Variants in SULT1E1 observed in about 807,000 individuals in gnomAD.
SULT1E1 encodes the protein sulfotransferase 1E1.
Under a neutral mutation model 33.6 loss-of-function variants are expected in SULT1E1, and 36 were observed. The observed-to-expected ratio is 1.07, with a 90% CI of 0.82 to 1.41. The LOEUF is 1.41. Ranked by LOEUF, SULT1E1 falls within the 40% of genes most tolerant of loss-of-function variation. The pLI is 0.00. For missense variants in SULT1E1, 371 were observed against 345.7 expected (o/e 1.07, Z -0.58); for synonymous variants, 121 against 111.7 (o/e 1.08, Z -0.53).
At chr4:69,836,651 A>G (rs942675292), downstream of SULT1E1, among the ~76,000 whole-genome samples, 2 of 152,294 alleles carry the variant, frequency 1.3e-5, no homozygotes, top group East Asian at 3.9e-4. Flanking sequence ...TTCATAATAA[A>G]TCTTCTTGCT....
At chr4:69,854,116 A>AC in intron 4 of SULT1E1, 101 bp downstream of exon 4, 1 of 729,670 alleles carries the variant, frequency 1.4e-6, no homozygotes, top group Non-Finnish European at 2.2e-6. Flanking sequence ...GTGTCTATAG[A>AC]TTCAATGAAA....
Position 69,841,857 on chromosome 4 carries a change from AGTT to A in SULT1E1, c.*134_*136del. On this transcript the variant is annotated 3_prime_UTR_variant, in exon 8 of 8. Coordinates refer to ENST00000226444, the MANE Select transcript of SULT1E1 (RefSeq NM_005420.3). Reference sequence around the variant, plus strand: ...CTCTGTCTCAAAAAAAAAAAAAAAAAGTTAAACAAAAATTTAAAAAGAAAATGT... The same window carrying A: ...CTCTGTCTCAAAAAAAAAAAAAAAAAAAACAAAAATTTAAAAAGAAAATGT... The A allele has an allele frequency of 3.7e-6, 2 of 539,596 alleles. No homozygotes were observed. Among genetic ancestry groups the A allele is most frequent in the Non-Finnish European group, 6.3e-6 (2 of 318,852 alleles). The allele number at this position is 539,596 out of a possible 1,614,324, so 33.4% of individuals were successfully genotyped here.
intron 5 of SULT1E1, chr4:69,849,101 C>G (rs958412002): frequency 5.7e-6 from 1 of 174,228 alleles, no homozygotes; most frequent in South Asian, 1.3e-4. Flanking sequence ...TGTAATAATA[C>G]GGTGTAAAAC....
intron 3 of SULT1E1, among the ~76,000 whole-genome samples, chr4:69,855,025 C>A (rs1037592018): frequency 6.6e-6 from 1 of 151,916 alleles, no homozygotes; most frequent in Non-Finnish European, 1.5e-5. Context: ...AATATCATCA[C>A]ATTTAGCCCA....
At chr4:69,839,831 C>G (rs1720849372), downstream of SULT1E1, among the ~76,000 whole-genome samples, 1 of 152,208 alleles carries the variant, frequency 6.6e-6, no homozygotes, top group African/African-American at 2.4e-5. Context: ...AGCCGTATTA[C>G]TTCTCCAAAG....
At chr4:69,843,880 G>A (rs1720926898) in intron 7 of SULT1E1, among the ~76,000 whole-genome samples, 1 of 152,312 alleles carries the variant, frequency 6.6e-6, no homozygotes, top group South Asian at 2.1e-4. Context: ...GAGGCACATA[G>A]GCTTGGTAAA....
intron 6 of SULT1E1, among the ~76,000 whole-genome samples, chr4:69,846,665 C>T (rs965409211): frequency 2.0e-5 from 3 of 151,618 alleles, no homozygotes; most frequent in African/African-American, 7.3e-5. Flanking sequence ...AAACTATGTG[C>T]ATGTTTGCCT....
chr4:69,843,481 A>G (rs781247073), intron 7 of SULT1E1, among the ~76,000 whole-genome samples: 13 of 152,096 alleles, frequency 8.5e-5, no homozygotes, highest in Non-Finnish European at 1.8e-4. Flanking sequence ...CCTGACTCTC[A>G]CTGACAGTAT....
chr4:69,826,776 G>C, the SULT1E1 span, among the ~76,000 whole-genome samples: 9 of 152,064 alleles, frequency 5.9e-5, no homozygotes, highest in Admixed American at 5.2e-4. Flanking sequence ...TTCTGTAAGA[G>C]GGAAGGCAAA....
chr4:69,828,667 A>G, the SULT1E1 span, among the ~76,000 whole-genome samples: 1 of 152,014 alleles, frequency 6.6e-6, no homozygotes, highest in African/African-American at 2.4e-5. Flanking sequence ...CACACTAGGA[A>G]CTCTCTTATT....
rs756987917 is a variant in SULT1E1 at position 69,857,599 on chromosome 4, C to T, written c.46G>A (p.Gly16Arg). The T allele has an allele frequency of 6.2e-7, 1 of 1,611,826 alleles. No individual in the cohort carries two copies. Among genetic ancestry groups the T allele is most frequent in the Admixed American group, 1.7e-5 (1 of 59,408 alleles). Reference sequence around the variant, plus strand: ...ACAAAATCTTTATACATTAGAATCCCATGGACTTCTTCAAACTTTTCATAA... The same window carrying T: ...ACAAAATCTTTATACATTAGAATCCTATGGACTTCTTCAAACTTTTCATAA... ...DYYEKFEEVH[G>R]ILMYKDFVKY... Residue 16 changes from glycine (G) to arginine (R), a missense_variant, in exon 2 of 8, where the codon GGG becomes AGG. Coordinates refer to ENST00000226444, the MANE Select transcript of SULT1E1 (RefSeq NM_005420.3).
In SULT1E1 at chr4:69,847,738, C is replaced by G. The variant is rs1721008739; in HGVS notation, c.551G>C (p.Ser184Thr). The G allele has an allele frequency of 1.9e-6, 3 of 1,609,562 alleles. No individual in the cohort carries two copies. In the South Asian group the frequency reaches 3.3e-5, roughly 18 times the overall value. ...GTAGAAAAGAAATAGTACACGTGGACTCTTTCCCTTTTCCCACCAAGATTT... is the reference window on the plus strand; with the variant it reads ...GTAGAAAAGAAATAGTACACGTGGAGTCTTTCCCTTTTCCCACCAAGATTT... ...HVKSWWEKGK[S>T]PRVLFLFYED... Residue 184 changes from serine to threonine, a missense_variant, in exon 6 of 8, where the codon AGT becomes ACT. Coordinates refer to ENST00000226444, the MANE Select transcript of SULT1E1 (RefSeq NM_005420.3).
chr4:69,828,243 C>G, the SULT1E1 span, among the ~76,000 whole-genome samples: 7 of 152,230 alleles, frequency 4.6e-5, no homozygotes, highest in Non-Finnish European at 1.0e-4. Context: ...GCAACCCACT[C>G]AAGTCCCTTT....
intron 6 of SULT1E1, among the ~76,000 whole-genome samples, chr4:69,845,762 G>A (rs919487635): frequency 6.6e-6 from 1 of 151,502 alleles, no homozygotes; most frequent in East Asian, 1.9e-4. Flanking sequence ...AATGGAGGAA[G>A]AGAGTTGGAG....
chr4:69,847,728 T>A lies in SULT1E1; in HGVS notation c.561A>T (p.Val187=), dbSNP rs2110068052. The change falls in exon 6 of 8, where the codon GTA becomes GTT. Residue 187 remains valine, a synonymous_variant. Transcript: ENST00000226444. ...TCAGGTCTTCGTAGAAAAGAAATAG[T>A]ACACGTGGACTCTTTCCCTTTTCCC... is the stretch of plus-strand genomic sequence containing the variant. The part of the protein sequence containing the change: ...SWWEKGKSPR[V]LFLFYEDLKE... 6.2e-7 allele frequency: 1 copy of A among 1,608,088 alleles called. No individual in the cohort carries two copies.
chr4:69,839,656 A>T (rs148732459), downstream of SULT1E1, among the ~76,000 whole-genome samples: 14 of 152,294 alleles, frequency 9.2e-5, no homozygotes, highest in Non-Finnish European at 1.6e-4. Flanking sequence ...GCTTTCTTGG[A>T]AGCACAGAAC....
At chr4:69,854,148 T>A (rs11249468) in intron 4 of SULT1E1, 69 bp downstream of exon 4, 23,798 of 1,114,546 alleles carry the variant, frequency 0.021, 314 homozygotes, top group Middle Eastern at 0.028. Flanking sequence ...CAAGTGTGTA[T>A]AACTGATGAG....
At chr4:69,851,643 TA>T (rs1560556643) in intron 4 of SULT1E1, among the ~76,000 whole-genome samples, 1 of 152,200 alleles carries the variant, frequency 6.6e-6, no homozygotes. Context: ...CAAAGGATTA[TA>T]AATCATGCTA....
chr4:69,835,867 C>T, the SULT1E1 span, among the ~76,000 whole-genome samples: 1 of 152,146 alleles, frequency 6.6e-6, no homozygotes, highest in Admixed American at 6.6e-5. Flanking sequence ...TGGTCTCAAA[C>T]TCCTGGCCTC....
Sources: allele counts gnomAD v4.1 joint callset (sites outside exome capture counted in the v4.1 genomes callset), GRCh38; gene constraint gnomAD v4.1.1; transcripts MANE v1.5; gene names NCBI Gene and HGNC (gene_info 2026-07-23, HGNC 2026-07-21).